Variants in DMD observed in about 807,000 individuals in gnomAD.
DMD encodes mutant dystrophin.
DMD carries 63 observed loss-of-function variants against 330.1 expected under a neutral mutation model. The ratio of observed to expected loss-of-function variants is 0.19; its 90% CI spans 0.16 to 0.24. DMD has a LOEUF of 0.24. Ranked by LOEUF, DMD falls within the 10% of genes least tolerant of loss-of-function variation. The probability of loss-of-function intolerance (pLI) is 1.00; values close to 1 mark genes in which losing one functional copy is unlikely to be tolerated. For synonymous variants in DMD, 1,223 were observed against 959.8 expected (o/e 1.27, Z -5.07); for missense variants, 3,344 against 2,684.1 (o/e 1.25, Z -5.43).
intron 45 of DMD, among the ~76,000 whole-genome samples, chrX:31,945,105 C>T (rs2095068778): frequency 9.0e-6 from 1 of 111,505 alleles, no homozygotes; most frequent in Admixed American, 9.5e-5. Flanking sequence ...TACTGGGAAT[C>T]TCTGTGATAT....
chrX:32,661,528 T>A (rs994942338), intron 9 of DMD, among the ~76,000 whole-genome samples: 1 of 111,324 alleles, frequency 9.0e-6, no homozygotes, highest in African/African-American at 3.3e-5. Context: ...TTGTAATAAC[T>A]CAAGGGGAAG....
chrX:32,925,574 C>G (rs1242597985), intron 2 of DMD, among the ~76,000 whole-genome samples: 1 of 111,148 alleles, frequency 9.0e-6, no homozygotes, highest in Non-Finnish European at 1.9e-5. Context: ...ATTGATGAAA[C>G]AGTAACACGA....
intron 55 of DMD, among the ~76,000 whole-genome samples, chrX:31,555,431 T>C (rs1413093435): frequency 3.6e-5 from 4 of 112,150 alleles, no homozygotes; most frequent in Non-Finnish European, 5.6e-5. Context: ...ATTCATAATA[T>C]GCTAAATACA....
At chrX:31,522,325 T>TTCTCTCTCTCTCTCTCTCTC (rs1193302041) in intron 55 of DMD, among the ~76,000 whole-genome samples, 10 of 51,333 alleles carry the variant, frequency 1.9e-4, no homozygotes, top group African/African-American at 8.8e-4. Context: ...AGATCAAAAT[T>TTCTCTCTCTCTCTCTCTCTC]TCTCTCTCTC....
chrX:32,466,930 T>C (rs1291137301), intron 23 of DMD, among the ~76,000 whole-genome samples: 1 of 111,487 alleles, frequency 9.0e-6, no homozygotes, highest in Admixed American at 9.6e-5. Context: ...AGTTATTAAA[T>C]TTCCGGCAAT....
chrX:31,313,166 T>TAA (rs755202886), intron 62 of DMD, among the ~76,000 whole-genome samples: 11 of 97,292 alleles, frequency 1.1e-4, no homozygotes, highest in Non-Finnish European at 2.1e-4. Flanking sequence ...TTTTAAAAAT[T>TAA]AAAAAAAAAA....
intron 29 of DMD, among the ~76,000 whole-genome samples, chrX:32,432,191 A>T (rs746878230): frequency 8.9e-6 from 1 of 111,804 alleles, no homozygotes; most frequent in African/African-American, 3.2e-5. Context: ...CTCTCTGCAG[A>T]TAGAATTCTC....
chrX:31,917,455 T>C (rs909658473), intron 47 of DMD, among the ~76,000 whole-genome samples: 14 of 112,177 alleles, frequency 1.2e-4, no homozygotes, highest in African/African-American at 4.5e-4. Context: ...GAAAGATTAA[T>C]AAAAACCAGG....
At chrX:32,871,782 T>TCTGAGA (rs946647931) in intron 2 of DMD, among the ~76,000 whole-genome samples, 3 of 111,307 alleles carry the variant, frequency 2.7e-5, no homozygotes, top group African/African-American at 9.8e-5. Context: ...CCACTCCCAC[T>TCTGAGA]CTGAGACTAA....
At chrX:31,418,188 T>C (rs941658520) in intron 60 of DMD, among the ~76,000 whole-genome samples, 2 of 111,399 alleles carry the variant, frequency 1.8e-5, no homozygotes, top group Non-Finnish European at 3.8e-5. Flanking sequence ...CTAGGAAGTC[T>C]GATATCAAGG....
At chrX:33,040,698 C>G (rs2094286160) in intron 1 of DMD, among the ~76,000 whole-genome samples, 1 of 110,927 alleles carries the variant, frequency 9.0e-6, no homozygotes, top group Non-Finnish European at 1.9e-5. Context: ...AGCAGTATGA[C>G]AGAAAAAAAG....
intron 1 of DMD, among the ~76,000 whole-genome samples, chrX:33,283,996 C>T (rs1027402421): frequency 2.7e-5 from 3 of 110,522 alleles, no homozygotes; most frequent in East Asian, 2.8e-4. Flanking sequence ...CCAGCCTGGG[C>T]GACAGAGAAA....
chrX:32,339,943 G>A (rs958139251), intron 41 of DMD, among the ~76,000 whole-genome samples: 2 of 111,956 alleles, frequency 1.8e-5, no homozygotes, highest in African/African-American at 6.5e-5. Context: ...GCCATTGTAA[G>A]GTTATATCAA....
intron 2 of DMD, among the ~76,000 whole-genome samples, chrX:32,929,699 C>T (rs755023096): frequency 9.0e-6 from 1 of 111,129 alleles, no homozygotes; most frequent in African/African-American, 3.3e-5. Context: ...TCTCCTAATG[C>T]TATCCCTCCC....
intron 1 of DMD, among the ~76,000 whole-genome samples, chrX:33,119,238 TTA>T (rs1328091943): frequency 1.6e-4 from 18 of 111,269 alleles, no homozygotes; most frequent in South Asian, 3.7e-4. Flanking sequence ...TATATATGTT[TTA>T]TATATATATA....
chrX:32,822,624 ATGAG>A, intron 5 of DMD, among the ~76,000 whole-genome samples: 1 of 110,021 alleles, frequency 9.1e-6, no homozygotes, highest in South Asian at 3.8e-4. Flanking sequence ...ATGTGTGGAT[ATGAG>A]TGTGTGTATA....
At chrX:31,925,295 A>T (rs2094753927) in intron 47 of DMD, among the ~76,000 whole-genome samples, 1 of 112,232 alleles carries the variant, frequency 8.9e-6, no homozygotes. Flanking sequence ...ATATTTAAAT[A>T]GAAAGCTACA....
At chrX:32,233,958 G>T (rs2097178714) in intron 43 of DMD, among the ~76,000 whole-genome samples, 1 of 110,864 alleles carries the variant, frequency 9.0e-6, no homozygotes, top group Non-Finnish European at 1.9e-5. Context: ...TTCATTTTGT[G>T]CCAAAATTGT....
chrX:33,035,219 A>G (rs755843780), intron 1 of DMD, among the ~76,000 whole-genome samples: 50 of 111,157 alleles, frequency 4.5e-4, no homozygotes, highest in East Asian at 3.4e-3. Context: ...TTTTTTTTAC[A>G]TGTTTATTTA....
Sources: gnomAD v4.1 joint callset for allele counts (sites outside exome capture counted in the v4.1 genomes callset) on GRCh38, gnomAD v4.1.1 for gene constraint, MANE v1.5 for transcripts, NCBI Gene and HGNC (gene_info 2026-07-23, HGNC 2026-07-21) for gene names.